CDH6: variants seen among roughly 807,000 people sequenced by gnomAD.
The protein encoded by CDH6 is cadherin 6, also known as cadherin-6.
Under a neutral mutation model 78.0 loss-of-function variants are expected in CDH6, and 31 were observed. The observed-to-expected ratio is 0.40, with a 90% confidence interval of 0.30 to 0.54. The LOEUF (loss-of-function observed/expected upper bound fraction) is 0.54. Ranked by LOEUF, CDH6 falls within the 20% of genes least tolerant of loss-of-function variation. The probability of loss-of-function intolerance (pLI) is 0.56; values close to 1 mark genes in which losing one functional copy is unlikely to be tolerated. For synonymous variants in CDH6, 376 were observed against 368.8 expected (o/e 1.02, Z -0.23); for missense variants, 724 against 975.9 (o/e 0.74, Z 3.44).
At chr5:31,245,480 A>G in intron 1 of CDH6, among the ~76,000 whole-genome samples, 1 of 151,116 alleles carries the variant, frequency 6.6e-6, no homozygotes, top group Non-Finnish European at 1.5e-5. Context: ...TTTGTCCAGG[A>G]TGAAATGTTA....
intron 7 of CDH6, among the ~76,000 whole-genome samples, chr5:31,310,865 G>A (rs1371881101): frequency 1.3e-5 from 2 of 152,228 alleles, no homozygotes; most frequent in Non-Finnish European, 2.9e-5. Flanking sequence ...GCACAGAGCA[G>A]CTAGGCCCTA....
intron 9 of CDH6, among the ~76,000 whole-genome samples, chr5:31,316,842 C>T (rs981791638): frequency 6.6e-6 from 1 of 152,148 alleles, no homozygotes; most frequent in Non-Finnish European, 1.5e-5. Flanking sequence ...AGTACATGTG[C>T]AAGTAGAAAG....
chr5:31,232,047 T>C (rs902358130), intron 1 of CDH6, among the ~76,000 whole-genome samples: 2 of 152,238 alleles, frequency 1.3e-5, no homozygotes, highest in Admixed American at 1.3e-4. Context: ...GTCAAGTGAC[T>C]GTTTCAGACT....
In CDH6 at chr5:31,211,827, C is replaced by G. The variant is rs74478133; in HGVS notation, c.-129+17941C>G. On this transcript the variant is annotated intron_variant, in intron 1 of 11. Coordinates refer to ENST00000265071, the MANE Select transcript of CDH6 (RefSeq NM_004932.4). Reference sequence around the variant, plus strand: ...TGAGTTCACCTCTCTGCAAATGTAACTAGGACAAATATGTTTTGTTTGTGG... The same window carrying G: ...TGAGTTCACCTCTCTGCAAATGTAAGTAGGACAAATATGTTTTGTTTGTGG... Among the ~76,000 whole-genome samples, 834 of 152,252 alleles carry G rather than the reference C, an allele frequency of 5.5e-3. 7 individuals are homozygous for G. Among genetic ancestry groups the G allele is most frequent in the African/African-American group, 0.019 (772 of 41,546 alleles).
chr5:31,258,846 C>A (rs1011911683), intron 1 of CDH6, among the ~76,000 whole-genome samples: 1 of 152,166 alleles, frequency 6.6e-6, no homozygotes, highest in Non-Finnish European at 1.5e-5. Flanking sequence ...AAGGCCACAA[C>A]TAGATTGAGC....
chr5:31,262,746 T>C (rs1046629424), intron 1 of CDH6, among the ~76,000 whole-genome samples: 1 of 152,154 alleles, frequency 6.6e-6, no homozygotes, highest in Non-Finnish European at 1.5e-5. Flanking sequence ...TTAAGTTCAG[T>C]ATCTGAGCAT....
intron 2 of CDH6, among the ~76,000 whole-genome samples, chr5:31,268,996 T>G (rs1742442787): frequency 6.6e-6 from 1 of 152,202 alleles, no homozygotes; most frequent in Non-Finnish European, 1.5e-5. Flanking sequence ...ATTCACACTC[T>G]GTGTGACTAC....
At chr5:31,309,108 A>C (rs1738077676) in intron 7 of CDH6, among the ~76,000 whole-genome samples, 1 of 152,156 alleles carries the variant, frequency 6.6e-6, no homozygotes, top group Admixed American at 6.5e-5. Context: ...GCAAAACAAT[A>C]GCTGTTTCAT....
chr5:31,313,166 T>A (rs1238950759), intron 7 of CDH6, 152 bp from the exon 8 acceptor site: 2 of 548,082 alleles, frequency 3.6e-6, no homozygotes, highest in Admixed American at 6.4e-5. Flanking sequence ...AATGTCAGGT[T>A]GTAGATATTC....
At chr5:31,311,802 A>G (rs773724267) in intron 7 of CDH6, among the ~76,000 whole-genome samples, 1 of 152,216 alleles carries the variant, frequency 6.6e-6, no homozygotes, top group Non-Finnish European at 1.5e-5. Flanking sequence ...CCCCCATGAT[A>G]CAATCACCTC....
chr5:31,318,228 T>C (rs1724647024), intron 11 of CDH6: 1 of 581,694 alleles, frequency 1.7e-6, no homozygotes. Context: ...GCCCTTTTCA[T>C]TTCATTCGTT....
chr5:31,288,374 ACTTTTGATTTAC>A lies in CDH6; in HGVS notation c.229-5585_229-5574del, dbSNP rs1176919472. On this transcript the variant is annotated intron_variant, in intron 2 of 11. Coordinates refer to ENST00000265071, the MANE Select transcript of CDH6 (RefSeq NM_004932.4). ...GTCATATGGAATTTTATTAAAATGC[ACTTTTGATTTAC>A]CTAATCCTATAATCTCTAAAACAGA... is the stretch of plus-strand genomic sequence containing the variant. Among the ~76,000 whole-genome samples, 3 of 152,328 alleles carry A rather than the reference ACTTTTGATTTAC, an allele frequency of 2.0e-5. No homozygotes were observed. The East Asian group carries it at 5.8e-4, about 29-fold the overall frequency.
At chr5:31,305,801 A>G (rs1737975840) in intron 7 of CDH6, among the ~76,000 whole-genome samples, 1 of 152,144 alleles carries the variant, frequency 6.6e-6, no homozygotes. Context: ...TTCTATGTAA[A>G]TAGTTATTAT....
rs149722658 is a variant in CDH6, at chr5:31,301,321, A to T, written c.812-790A>T. 5.1e-4 allele frequency among the ~76,000 whole-genome samples: 78 copies of T among 152,364 alleles called. 3 individuals carry two copies. In the East Asian group the frequency reaches 0.013, roughly 25 times the overall value. The stretch of plus-strand genomic sequence containing the variant: ...TTAACAAAATGTAATTGAAAAGGGT[A>T]GAATAAGCCTTGGTTTTACTATTTT... On this transcript the variant is annotated intron_variant, in intron 5 of 11. Coordinates refer to ENST00000265071, the MANE Select transcript of CDH6 (RefSeq NM_004932.4).
At chr5:31,274,981 C>T (rs1409267200) in intron 2 of CDH6, among the ~76,000 whole-genome samples, 1 of 152,164 alleles carries the variant, frequency 6.6e-6, no homozygotes, top group African/African-American at 2.4e-5. Flanking sequence ...ATTTTGGGCA[C>T]AGCCCTTTGA....
At chr5:31,290,942 G>A (rs369234440) in intron 2 of CDH6, among the ~76,000 whole-genome samples, 1 of 152,144 alleles carries the variant, frequency 6.6e-6, no homozygotes, top group South Asian at 2.1e-4. Flanking sequence ...CTTCTTTAAC[G>A]TCTCCTCTGC....
intron 1 of CDH6, among the ~76,000 whole-genome samples, chr5:31,228,168 A>G (rs1047924026): frequency 6.6e-6 from 1 of 152,076 alleles, no homozygotes; most frequent in Admixed American, 6.5e-5. Flanking sequence ...TCACTGTCCC[A>G]TCTTCTCTGA....
intron 1 of CDH6, among the ~76,000 whole-genome samples, chr5:31,242,076 G>T (rs1231311092): frequency 6.6e-6 from 1 of 152,194 alleles, no homozygotes; most frequent in East Asian, 1.9e-4. Flanking sequence ...CCAGTAGCCT[G>T]CAGAGCCCAA....
intron 1 of CDH6, among the ~76,000 whole-genome samples, chr5:31,217,419 C>T (rs1271125609): frequency 6.6e-6 from 1 of 152,144 alleles, no homozygotes; most frequent in Non-Finnish European, 1.5e-5. Flanking sequence ...TTTAAATTCT[C>T]ATCAGTCTTA....
Sources: allele counts gnomAD v4.1 joint callset (sites outside exome capture counted in the v4.1 genomes callset), GRCh38; gene constraint gnomAD v4.1.1; transcripts MANE v1.5; gene names NCBI Gene and HGNC (gene_info 2026-07-23, HGNC 2026-07-21).